Variants in ZNF232 observed in about 807,000 individuals in gnomAD.
ZNF232 encodes zinc finger and SCAN domain-containing protein 11.
ZNF232 carries 25 observed loss-of-function variants against 25.2 expected under a neutral mutation model. That is an observed-to-expected ratio of 0.99 (90% CI 0.72 to 1.39). ZNF232 has a LOEUF of 1.39. ZNF232 is among the 40% of genes most tolerant of loss of function. ZNF232 has a pLI of 0.00. For missense variants in ZNF232, 519 were observed against 520.9 expected, an observed-to-expected ratio of 1.00 and a Z score of 0.04; for synonymous variants, 193 against 182.9, an observed-to-expected ratio of 1.06 and a Z score of -0.45.
At chr17:5,110,133 C>G (rs1169497259) in intron 1 of ZNF232, among the ~76,000 whole-genome samples, 1 of 152,104 alleles carries the variant, frequency 6.6e-6, no homozygotes, top group Non-Finnish European at 1.5e-5. Flanking sequence ...CTCAGGTGAC[C>G]CACCCACCTC....
chr17:5,117,043 C>G (rs569266969), intron 1 of ZNF232, among the ~76,000 whole-genome samples: 2 of 152,174 alleles, frequency 1.3e-5, no homozygotes, highest in Non-Finnish European at 2.9e-5. Context: ...AGAAAGCCTT[C>G]CCCAGCTAGG....
chr17:5,117,673 T>G (rs1241002956), intron 1 of ZNF232, among the ~76,000 whole-genome samples: 1 of 152,186 alleles, frequency 6.6e-6, no homozygotes, highest in African/African-American at 2.4e-5. Context: ...ACTATCAGAT[T>G]TGTTCTGAAG....
chr17:5,107,549 T>A (rs1462995673), intron 3 of ZNF232, among the ~76,000 whole-genome samples: 1 of 145,328 alleles, frequency 6.9e-6, no homozygotes, highest in African/African-American at 2.7e-5. Flanking sequence ...TTGACTTTTT[T>A]TTTTTTTTTG....
Position 5,106,475 on chromosome 17 carries a change from G to C in ZNF232, c.657C>G (p.Asp219Glu), listed in dbSNP as rs768605608. 4 of 1,614,178 alleles carry C rather than the reference G, an allele frequency of 2.5e-6. No individual in the cohort carries two copies. In the Admixed American group the frequency reaches 6.7e-5, roughly 27 times the overall value. The change falls in exon 4 of 4, where the codon GAC becomes GAG. Residue 219 changes from aspartate to glutamate, a missense_variant. Coordinates refer to ENST00000575898, the Ensembl canonical transcript of ZNF232. ...TGGGTGGTTGTGGCAATGATCCTTT[G>C]TCCTTGGGCTCTGGGCCATCTTCTG...
upstream of ZNF232, chr17:5,116,448 C>G (rs2072541771): frequency 6.6e-6 from 1 of 152,324 alleles, no homozygotes; most frequent in Non-Finnish European, 1.5e-5. Flanking sequence ...GCCGCCGTCT[C>G]GTGTGGTGTC....
At chr17:5,112,773 G>A (rs148893837), upstream of ZNF232, among the ~76,000 whole-genome samples, 4,061 of 151,690 alleles carry the variant, frequency 0.027, 66 homozygotes, top group Non-Finnish European at 0.044. Context: ...AGACATGGTG[G>A]CCAACATGGT....
Position 5,106,561 on chromosome 17 carries a change from A to T in ZNF232, c.626-55T>A. 2.0e-6 allele frequency: 3 copies of T among 1,527,664 alleles called. No homozygotes were observed. The Middle Eastern group carries it at 5.2e-4, about 265-fold the overall frequency. The allele number at this position is 1,527,664 out of a possible 1,614,324, so 94.6% of individuals were successfully genotyped here. ...GGATGTATGAAGAAATGACACTTAG[A>T]TTAAAATGTATATTTCTGGAATGAA... On this transcript the variant is annotated intron_variant, in intron 3 of 3. Coordinates refer to ENST00000575898, the Ensembl canonical transcript of ZNF232.
chr17:5,111,515 G>C, intron 1 of ZNF232: 1 of 477,092 alleles, frequency 2.1e-6, no homozygotes, highest in South Asian at 3.8e-5. Context: ...CGCCCGGGGA[G>C]GGGGCTGTCG....
chr17:5,108,855 C>T, intron 3 of ZNF232, 71 bp downstream of exon 3: 9 of 1,605,394 alleles, frequency 5.6e-6, no homozygotes, highest in Non-Finnish European at 3.4e-6. Context: ...TTACCCTTTA[C>T]AGGTACTAGG....
chr17:5,106,402 T>C, exon 4 of ZNF232: 11 of 1,614,162 alleles, frequency 6.8e-6, no homozygotes, highest in Non-Finnish European at 9.3e-6. Flanking sequence ...AATGTAGAGG[T>C]GTCAGTAGCA....
In ZNF232 at chr17:5,109,625, C is replaced by G. The variant is rs200290273; in HGVS notation, c.267G>C (p.Glu89Asp). The change falls in exon 2 of 4, where the codon GAG (glutamate) becomes GAC (aspartate). Residue 89 changes from glutamate to aspartate, a missense_variant. By Grantham distance (45) the Glu-to-Asp change is conservative. Transcript: ENST00000575898. ...TCAAGGCCTCCCGGGGACCAGGAGT[C>G]TCCTGGTAGCGGAGATGCCTGAAGC... The G allele has an allele frequency of 8.7e-6, 14 of 1,614,122 alleles. No individual in the cohort carries two copies. Among genetic ancestry groups the G allele is most frequent in the Admixed American group, 8.3e-5 (5 of 60,008 alleles).
chr17:5,106,441 C>A, exon 4 of ZNF232: 1 of 1,614,226 alleles, frequency 6.2e-7, no homozygotes, highest in Non-Finnish European at 8.5e-7. Context: ...TGTGATTCCA[C>A]TTCAGTAATG....
upstream of ZNF232, among the ~76,000 whole-genome samples, chr17:5,116,238 C>T (rs1183272439): frequency 6.6e-6 from 1 of 152,264 alleles, no homozygotes; most frequent in African/African-American, 2.4e-5. Context: ...GGACTTCCCG[C>T]CTGCGGGCTC....
At chr17:5,109,173 T>C in intron 2 of ZNF232, 121 bp from the exon 3 acceptor site, 1 of 1,443,186 alleles carries the variant, frequency 6.9e-7, no homozygotes, top group South Asian at 1.2e-5. Flanking sequence ...AAGGAGACTT[T>C]AGAGAGCCTC....
chr17:5,112,020 G>A, upstream of ZNF232: 4 of 773,536 alleles, frequency 5.2e-6, no homozygotes, highest in Non-Finnish European at 8.0e-6. Flanking sequence ...TGAGCGGAGC[G>A]AGAAAGAGCG....
exon 2 of ZNF232, chr17:5,109,704 T>C (rs957037031): frequency 1.2e-6 from 2 of 1,614,172 alleles, no homozygotes; most frequent in Non-Finnish European, 1.7e-6. Context: ...CCTGGTCTCA[T>C]ACTCACAAGA....
chr17:5,118,222 G>A (rs967738825), intron 1 of ZNF232: 4 of 152,350 alleles, frequency 2.6e-5, no homozygotes, highest in African/African-American at 7.2e-5. Context: ...TGATTCCTTC[G>A]TGGGACTCAA....
intron 3 of ZNF232, among the ~76,000 whole-genome samples, chr17:5,107,449 CCATAGCACATTTTATGTTT>C (rs1362877765): frequency 6.8e-6 from 1 of 146,550 alleles, no homozygotes; most frequent in Non-Finnish European, 1.5e-5. Flanking sequence ...TTTTAAATGT[CCATAGCACATTTTATGTTT>C]TATCTGTTGT....
chr17:5,117,177 A>G (rs1163976034), intron 1 of ZNF232, among the ~76,000 whole-genome samples: 2 of 152,188 alleles, frequency 1.3e-5, no homozygotes, highest in African/African-American at 2.4e-5. Context: ...AGACTTGTCC[A>G]TTTATGCTCA....
Sources: allele counts gnomAD v4.1 joint callset (sites outside exome capture counted in the v4.1 genomes callset), GRCh38; gene constraint gnomAD v4.1.1; transcripts MANE v1.5; gene names NCBI Gene and HGNC (gene_info 2026-07-23, HGNC 2026-07-21).